The following RAPGEF6 variants were observed in gnomAD, a reference collection of about 807,000 sequenced individuals.
RAPGEF6 encodes the protein PDZ domain containing guanine nucleotide exchange factor (GEF) 2.
Under a neutral mutation model 171.4 loss-of-function variants are expected in RAPGEF6, and 56 were observed. The ratio of observed to expected loss-of-function variants is 0.33; its 90% confidence interval spans 0.26 to 0.41. The LOEUF (loss-of-function observed/expected upper bound fraction) is 0.41, where lower values mean the gene tolerates loss of function less well. Among genes scored for constraint, RAPGEF6 ranks in the 10% least tolerant of loss-of-function variants. RAPGEF6 has a pLI of 1.00. For synonymous variants in RAPGEF6, 692 were observed against 650.1 expected (o/e 1.06, Z -0.98); for missense variants, 1,674 against 1,921.4 (o/e 0.87, Z 2.41).
At chr5:131,448,824 AT>A (rs749149555) in intron 21 of RAPGEF6, among the ~76,000 whole-genome samples, 224 of 152,308 alleles carry the variant, frequency 1.5e-3, no homozygotes, top group Non-Finnish European at 2.2e-3. Context: ...ACTAAAAGAT[AT>A]TGTCCAAGTA....
At chr5:131,464,406 TAACAG>T in intron 17 of RAPGEF6, 125 bp from the exon 18 acceptor site, 1 of 714,066 alleles carries the variant, frequency 1.4e-6, no homozygotes, top group Non-Finnish European at 2.4e-6. Context: ...TTCACAATAT[TAACAG>T]AAGTCACTGT....
chr5:131,523,792 A>AC (rs1319056581), intron 6 of RAPGEF6, among the ~76,000 whole-genome samples: 24 of 59,754 alleles, frequency 4.0e-4, no homozygotes, highest in African/African-American at 7.5e-4. Context: ...AGCAAGATAA[A>AC]AAAACAAACA....
chr5:131,576,727 A>G (rs1762626309), intron 4 of RAPGEF6, among the ~76,000 whole-genome samples: 2 of 152,224 alleles, frequency 1.3e-5, no homozygotes, highest in South Asian at 2.1e-4. Flanking sequence ...TTACTTATCA[A>G]TCCCTTCCTA....
chr5:131,461,452 A>T (rs983364037), intron 19 of RAPGEF6, among the ~76,000 whole-genome samples: 1 of 152,180 alleles, frequency 6.6e-6, no homozygotes, highest in African/African-American at 2.4e-5. Flanking sequence ...TTGGAGATGA[A>T]GGGAGAGAAA....
chr5:131,621,368 C>T (rs570819497), intron 1 of RAPGEF6, among the ~76,000 whole-genome samples: 6 of 152,226 alleles, frequency 3.9e-5, no homozygotes, highest in African/African-American at 1.4e-4. Flanking sequence ...CAGCTCACTG[C>T]AGCCTCAACC....
At chr5:131,607,360 A>G (rs890039219) in intron 1 of RAPGEF6, among the ~76,000 whole-genome samples, 1 of 152,246 alleles carries the variant, frequency 6.6e-6, no homozygotes, top group African/African-American at 2.4e-5. Flanking sequence ...CCACAGAATG[A>G]ACCAAATTCT....
At chr5:131,499,581 C>CAAAAAAAAAAAAAAAAAA (rs375534138) in intron 11 of RAPGEF6, among the ~76,000 whole-genome samples, 1 of 87,548 alleles carries the variant, frequency 1.1e-5, no homozygotes, top group African/African-American at 4.7e-5. Flanking sequence ...GACTTTGTCT[C>CAAAAAAAAAAAAAAAAAA]AAAAAAAAAA....
At chr5:131,513,710 A>C (rs1332669244) in intron 7 of RAPGEF6, among the ~76,000 whole-genome samples, 1 of 152,204 alleles carries the variant, frequency 6.6e-6, no homozygotes, top group Non-Finnish European at 1.5e-5. Context: ...ATCTACCCTT[A>C]CAATTTGTCT....
chr5:131,566,913 A>G (rs781000398), intron 4 of RAPGEF6, among the ~76,000 whole-genome samples: 1 of 151,956 alleles, frequency 6.6e-6, no homozygotes, highest in South Asian at 2.1e-4. Flanking sequence ...GTTCGAGACC[A>G]GCCTGGCCTG....
chr5:131,528,559 A>G (rs1022944637), intron 6 of RAPGEF6, among the ~76,000 whole-genome samples: 1 of 151,806 alleles, frequency 6.6e-6, no homozygotes, highest in African/African-American at 2.4e-5. Context: ...GATGTAACTA[A>G]TAAGTATTAA....
At chr5:131,600,622 A>G (rs1196107183) in intron 3 of RAPGEF6, among the ~76,000 whole-genome samples, 5 of 150,318 alleles carry the variant, frequency 3.3e-5, no homozygotes, top group Non-Finnish European at 7.4e-5. Context: ...AAGAGGAGAG[A>G]AGAGGAGAGG....
Position 131,472,692 on chromosome 5 carries a change from A to T in RAPGEF6, c.2134T>A (p.Cys712Ser), listed in dbSNP as rs764779122. The T allele has an allele frequency of 1.1e-5, 17 of 1,612,736 alleles. 1 individual carries two copies. Among genetic ancestry groups the T allele is most frequent in the Middle Eastern group, 1.6e-4 (1 of 6,082 alleles). The change falls in exon 17 of 28, where the codon TGT (cysteine) becomes AGT (serine). Residue 712 changes from cysteine to serine, a missense_variant. This residue lies in a region of RAPGEF6 where 1,116 missense variants were observed against 1,321.5 expected (regional missense o/e 0.84). Transcript: ENST00000509018. ...QDDSIVGTRH[C>S]RHSLAIMPIP... Reference sequence around the variant, plus strand: ...GGCATTATAGCCAGACTATGCCTACAGTGCCTTGTTCCCACAATGCTGTCA... The same window carrying T: ...GGCATTATAGCCAGACTATGCCTACTGTGCCTTGTTCCCACAATGCTGTCA...
intron 5 of RAPGEF6, among the ~76,000 whole-genome samples, chr5:131,557,725 C>T (rs143384282): frequency 2.1e-4 from 32 of 152,118 alleles, no homozygotes; most frequent in Non-Finnish European, 2.9e-4. Flanking sequence ...AAATCATGAA[C>T]GGGTTCTGAT....
chr5:131,436,405 C>T (rs1247057732), intron 24 of RAPGEF6: 2 of 1,519,932 alleles, frequency 1.3e-6, no homozygotes, highest in Admixed American at 4.0e-5. Context: ...TGCAAAAACC[C>T]TGACATGGTC....
chr5:131,448,908 T>C (rs978127533), intron 21 of RAPGEF6, among the ~76,000 whole-genome samples: 1 of 151,834 alleles, frequency 6.6e-6, no homozygotes, highest in Non-Finnish European at 1.5e-5. Context: ...GACCAAGACA[T>C]AAATTTGCGA....
Position 131,457,125 on chromosome 5 carries a change from G to A in RAPGEF6, c.2865-1113C>T, listed in dbSNP as rs141123934. On this transcript the variant is annotated intron_variant, in intron 19 of 27. Coordinates refer to ENST00000509018, the MANE Select transcript of RAPGEF6 (RefSeq NM_016340.6). Reference sequence around the variant, plus strand: ...TGCCCAGGCTGGAGTGCGGTGGTGCGATCTCAGCTCACTGCAACCTCTGCC... The same window carrying A: ...TGCCCAGGCTGGAGTGCGGTGGTGCAATCTCAGCTCACTGCAACCTCTGCC... Among the ~76,000 whole-genome samples the A allele has an allele frequency of 4.2e-3, 635 of 152,224 alleles. 8 individuals are homozygous for A. The highest frequency in any genetic ancestry group is 0.015 in the African/African-American group (612 of 41,530).
chr5:131,582,611 T>G (rs1369439970), intron 4 of RAPGEF6, among the ~76,000 whole-genome samples: 5 of 152,212 alleles, frequency 3.3e-5, no homozygotes, highest in Non-Finnish European at 5.9e-5. Context: ...AACATCAAAA[T>G]TAAGTACTTC....
At chr5:131,611,540 T>C (rs755538725) in intron 1 of RAPGEF6, among the ~76,000 whole-genome samples, 3 of 152,020 alleles carry the variant, frequency 2.0e-5, no homozygotes, top group Admixed American at 6.6e-5. Flanking sequence ...TGTGTGGTGG[T>C]GCATGCCTAC....
At chr5:131,479,977 A>G (rs1416736104) in intron 15 of RAPGEF6, among the ~76,000 whole-genome samples, 1 of 152,138 alleles carries the variant, frequency 6.6e-6, no homozygotes, top group African/African-American at 2.4e-5. Context: ...CAACACTAAT[A>G]AAAGGAAAGT....
Sources: gnomAD v4.1 joint callset for allele counts (sites outside exome capture counted in the v4.1 genomes callset) on GRCh38, gnomAD v4.1.1 for gene constraint, gnomAD v4.1.1 regional missense constraint, MANE v1.5 for transcripts, NCBI Gene and HGNC (gene_info 2026-07-23, HGNC 2026-07-21) for gene names.